Variants in CFAP57 observed in about 807,000 individuals in gnomAD.
CFAP57 encodes the protein cilia- and flagella-associated protein 57.
Under a neutral mutation model 146.8 loss-of-function variants are expected in CFAP57, and 116 were observed. The observed-to-expected ratio is 0.79, with a 90% CI of 0.68 to 0.92. The LOEUF (loss-of-function observed/expected upper bound fraction) is 0.92, where lower values mean the gene tolerates loss of function less well. Among genes scored for constraint, CFAP57 ranks in the 40% least tolerant of loss-of-function variants. The pLI is 0.00. For missense variants in CFAP57, 1,377 were observed against 1,527.2 expected (o/e 0.90, Z 1.64); for synonymous variants, 518 against 552.8 (o/e 0.94, Z 0.88).
chr1:43,227,100 A>T lies in CFAP57; in HGVS notation c.2983A>T (p.Arg995Trp), dbSNP rs763480759. The T allele has an allele frequency of 6.5e-7, 1 of 1,541,520 alleles. No homozygotes were observed. Residue 995 changes from arginine (R) to tryptophan (W), a missense_variant, in exon 18 of 23, where the codon AGG (arginine) becomes TGG (tryptophan). By Grantham distance (101) the Arg-to-Trp change is moderately radical (BLOSUM62 -3). Transcript: ENST00000372492. The part of the protein sequence containing the change: ...KQIEPRENEI[R>W]VMKEQIQEME... ...AATAGAACCTCGAGAGAATGAGATCAGGGTGATGAAGGAACAGATTCAGGA... is the reference window on the plus strand; with the variant it reads ...AATAGAACCTCGAGAGAATGAGATCTGGGTGATGAAGGAACAGATTCAGGA...
rs183797840 is a variant in CFAP57, at chr1:43,202,573, G to A, written c.1542+3070G>A. ...TGAGGCAGGCGGATCCCTTGAGATC[G>A]GGAGTTCGAGACCAGCCTGGCCAAC... On this transcript the variant is annotated intron_variant, in intron 9 of 22. Coordinates refer to ENST00000372492, the MANE Select transcript of CFAP57 (RefSeq NM_001378189.1). Among the ~76,000 whole-genome samples the A allele has an allele frequency of 5.8e-3, 888 of 151,972 alleles. 7 individuals carry two copies. The highest frequency in any genetic ancestry group is 0.017 in the African/African-American group (697 of 41,424).
At position 43,243,336 on chromosome 1, in the gene CFAP57, G is replaced by A. The variant is rs762334333; in HGVS notation, c.3515G>A (p.Arg1172Gln). ...EAALKLTKKV[R>Q]PQEVSETEPS... The stretch of plus-strand genomic sequence containing the variant: ...GCTCTGAAACTGACCAAGAAAGTCC[G>A]ACCACAAGAAGTTTCAGAGACAGGT... Residue 1172 changes from arginine to glutamine, a missense_variant, in exon 22 of 23, where the codon CGA becomes CAA. Coordinates refer to ENST00000372492, the MANE Select transcript of CFAP57 (RefSeq NM_001378189.1). 119 of 1,537,860 alleles carry A rather than the reference G, an allele frequency of 7.7e-5. No homozygotes were observed. Among genetic ancestry groups the A allele is most frequent in the Admixed American group, 7.2e-4 (36 of 49,884 alleles).
intron 3 of CFAP57, 151 bp from the exon 4 acceptor site, chr1:43,183,440 C>T: frequency 2.7e-6 from 2 of 737,482 alleles, no homozygotes; most frequent in Non-Finnish European, 4.6e-6. Context: ...GATGTGTGCC[C>T]TTATCAAATG....
At chr1:43,188,481 A>G (rs1031677057) in intron 6 of CFAP57, among the ~76,000 whole-genome samples, 11 of 152,274 alleles carry the variant, frequency 7.2e-5, no homozygotes, top group Admixed American at 2.0e-4. Context: ...CTTAGTGGGT[A>G]AGAAGTGGTA....
intron 6 of CFAP57, among the ~76,000 whole-genome samples, chr1:43,187,475 A>G (rs1643211932): frequency 6.6e-6 from 1 of 151,778 alleles, no homozygotes; most frequent in Non-Finnish European, 1.5e-5. Flanking sequence ...TTTTTTAATA[A>G]CAACTTAATT....
At chr1:43,209,700 A>C (rs749395844) in intron 10 of CFAP57, 43 bp from the exon 11 acceptor site, 2 of 1,583,556 alleles carry the variant, frequency 1.3e-6, no homozygotes, top group Non-Finnish European at 1.7e-6. Context: ...CGTGGGGGCC[A>C]CAGCTCGACC....
intron 4 of CFAP57, among the ~76,000 whole-genome samples, chr1:43,184,109 A>T (rs1375846876): frequency 6.6e-6 from 1 of 152,234 alleles, no homozygotes; most frequent in East Asian, 1.9e-4. Flanking sequence ...TTTTATAAAC[A>T]TTATAGTATT....
intron 9 of CFAP57, among the ~76,000 whole-genome samples, chr1:43,205,923 T>C (rs549547852): frequency 1.4e-4 from 22 of 152,216 alleles, no homozygotes; most frequent in African/African-American, 4.8e-4. Context: ...TGGGATTGAG[T>C]AGATTTTCTT....
intron 11 of CFAP57, among the ~76,000 whole-genome samples, chr1:43,214,679 TG>T (rs1437809209): frequency 3.3e-5 from 5 of 152,172 alleles, no homozygotes; most frequent in Admixed American, 6.5e-5. Context: ...TATTCAGGTT[TG>T]TTTTTTTTTA....
intron 22 of CFAP57, among the ~76,000 whole-genome samples, chr1:43,247,935 C>G (rs1646173147): frequency 6.6e-6 from 1 of 152,030 alleles, no homozygotes; most frequent in Non-Finnish European, 1.5e-5. Context: ...ACCATCCTGG[C>G]TAACATGGTG....
rs1398172894 is a variant in CFAP57, at chr1:43,172,928, C to T, written c.157+18C>T. ...CATTCCAGGTAAAACTTTTTCCATCCTGACATATACAGGAATGGTATGTGC... is the reference window on the plus strand; with the variant it reads ...CATTCCAGGTAAAACTTTTTCCATCTTGACATATACAGGAATGGTATGTGC... On this transcript the variant is annotated intron_variant, in intron 2 of 22. Transcript: ENST00000372492. The T allele has an allele frequency of 1.2e-6, 2 of 1,609,380 alleles. No homozygotes were observed. Among genetic ancestry groups the T allele is most frequent in the Non-Finnish European group, 1.7e-6 (2 of 1,176,222 alleles).
In CFAP57 at chr1:43,226,920, T is replaced by G. The variant is rs1181794271; in HGVS notation, c.2866-63T>G. 6.3e-6 allele frequency: 9 copies of G among 1,429,186 alleles called. No individual in the cohort carries two copies. In the East Asian group the frequency reaches 2.3e-4, roughly 37 times the overall value. The allele number at this position is 1,429,186 out of a possible 1,614,324, so 88.5% of individuals were successfully genotyped here. On this transcript the variant is annotated intron_variant, in intron 17 of 22. Coordinates refer to ENST00000372492, the MANE Select transcript of CFAP57 (RefSeq NM_001378189.1). ...TCACAGGCTTCGTGCTCTTTTGCCC[T>G]AAAGGGCTGCAGTATACCAGGGCCT...
At chr1:43,228,138 C>T (rs763934386) in intron 18 of CFAP57, among the ~76,000 whole-genome samples, 11 of 152,188 alleles carry the variant, frequency 7.2e-5, no homozygotes, top group Non-Finnish European at 1.2e-4. Context: ...ATCCAAAGTC[C>T]CAGTCAGGCC....
chr1:43,230,179 A>T (rs1206369380), intron 18 of CFAP57, among the ~76,000 whole-genome samples: 1 of 152,204 alleles, frequency 6.6e-6, no homozygotes, highest in Non-Finnish European at 1.5e-5. Context: ...CTCTCTGCTA[A>T]CCTCATCTGT....
At chr1:43,240,852 A>G (rs1055036952) in intron 21 of CFAP57, among the ~76,000 whole-genome samples, 8 of 152,046 alleles carry the variant, frequency 5.3e-5, no homozygotes, top group Non-Finnish European at 1.2e-4. Context: ...AGGAGAGGAG[A>G]AGGGGCCGGT....
chr1:43,225,934 A>G (rs1250856259), intron 17 of CFAP57, among the ~76,000 whole-genome samples: 2 of 152,208 alleles, frequency 1.3e-5, no homozygotes, highest in Non-Finnish European at 2.9e-5. Context: ...GCACTTTGGG[A>G]GGCAGAGGCA....
In CFAP57 at chr1:43,201,979, T is replaced by G. The variant is rs1199628919; in HGVS notation, c.1542+2476T>G. Among the ~76,000 whole-genome samples the G allele has an allele frequency of 2.0e-5, 3 of 152,156 alleles. No homozygotes were observed. The highest frequency in any genetic ancestry group is 4.4e-5 in the Non-Finnish European group (3 of 68,030). On this transcript the variant is annotated intron_variant, in intron 9 of 22. Transcript: ENST00000372492. The surrounding 1 kb of genome is among the most constrained non-coding windows in gnomAD (Gnocchi z 4.4). The stretch of plus-strand genomic sequence containing the variant: ...TTCAGCAATATAATTAGTCTTCAAG[T>G]GACTGTGGAGATGCGGATGAAAGTA...
chr1:43,239,297 A>G (rs1645818796), intron 21 of CFAP57, among the ~76,000 whole-genome samples: 1 of 152,200 alleles, frequency 6.6e-6, no homozygotes, highest in Non-Finnish European at 1.5e-5. Context: ...GTGGGCCTCA[A>G]TCATACTCCA....
chr1:43,232,453 C>T, intron 18 of CFAP57, 55 bp from the exon 19 acceptor site: 1 of 1,447,324 alleles, frequency 6.9e-7, no homozygotes, highest in Non-Finnish European at 9.5e-7. Flanking sequence ...TTCTCAAATA[C>T]AGTTTTCATT....
Sources: allele counts gnomAD v4.1 joint callset (sites outside exome capture counted in the v4.1 genomes callset), GRCh38; gene constraint gnomAD v4.1.1; non-coding constraint Gnocchi (gnomAD v3.1); transcripts MANE v1.5; gene names NCBI Gene and HGNC (gene_info 2026-07-23, HGNC 2026-07-21).